Variants in MSI2 observed in about 807,000 individuals in gnomAD.
The protein encoded by MSI2 is musashi RNA binding protein 2.
A neutral mutation model predicts 45.6 loss-of-function variants in MSI2; 17 were observed. That is an observed-to-expected ratio of 0.37 (90% CI 0.26 to 0.56). The LOEUF (loss-of-function observed/expected upper bound fraction) is 0.56. Ranked by LOEUF, MSI2 falls within the 20% of genes least tolerant of loss-of-function variation. The pLI, the probability that MSI2 is intolerant of heterozygous loss-of-function variation, is 0.77. For synonymous variants in MSI2, 156 were observed against 158.2 expected (o/e 0.99, Z 0.11); for missense variants, 293 against 444.2 (o/e 0.66, Z 3.06).
At chr17:57,346,741 GA>G (rs143231057) in intron 5 of MSI2, among the ~76,000 whole-genome samples, 2,029 of 151,914 alleles carry the variant, frequency 0.013, 44 homozygotes, top group African/African-American at 0.046. Context: ...TGTATAGCTG[GA>G]ACTACAGGCA....
chr17:57,514,721 G>A (rs1044580957), intron 6 of MSI2, among the ~76,000 whole-genome samples: 2 of 150,320 alleles, frequency 1.3e-5, no homozygotes, highest in African/African-American at 4.9e-5. Context: ...CCCCCTTAGG[G>A]TGTTGTGTGG....
the MSI2 span, among the ~76,000 whole-genome samples, chr17:57,695,268 C>T: frequency 6.6e-6 from 1 of 152,104 alleles, no homozygotes; most frequent in Non-Finnish European, 1.5e-5. Flanking sequence ...AGGAAGAGTC[C>T]CAGGCCTGCT....
At chr17:57,415,025 G>GC (rs1380927070) in intron 6 of MSI2, among the ~76,000 whole-genome samples, 1 of 152,170 alleles carries the variant, frequency 6.6e-6, no homozygotes, top group Non-Finnish European at 1.5e-5. Context: ...TCTAAGAAAA[G>GC]CAGTAGACTT....
At chr17:57,660,368 G>T (rs1911904370) in intron 11 of MSI2, among the ~76,000 whole-genome samples, 1 of 152,176 alleles carries the variant, frequency 6.6e-6, no homozygotes, top group Non-Finnish European at 1.5e-5. Flanking sequence ...AAACCGAATG[G>T]CTCTTTACAC....
chr17:57,514,722 T>C (rs575242169), intron 6 of MSI2, among the ~76,000 whole-genome samples: 22 of 149,680 alleles, frequency 1.5e-4, no homozygotes, highest in Non-Finnish European at 3.0e-4. Context: ...CCCCTTAGGG[T>C]GTTGTGTGGC....
At chr17:57,436,235 T>A (rs4641809) in intron 6 of MSI2, among the ~76,000 whole-genome samples, 14,962 of 152,164 alleles carry the variant, frequency 0.098, 1,005 homozygotes, top group South Asian at 0.19. Context: ...AATATGTTGA[T>A]CTGTAAGATG....
rs1270523206 is a variant in MSI2, at chr17:57,256,660, C to T, written c.-83C>T. 9.6e-5 allele frequency: 55 copies of T among 574,520 alleles called. No homozygotes were observed. In the South Asian group the frequency reaches 1.7e-3, roughly 18 times the overall value. 35.6% of individuals were successfully genotyped at this position (574,520 alleles called of 1,614,324 possible). On this transcript the variant is annotated 5_prime_UTR_variant, in exon 1 of 14. Transcript: ENST00000284073. ...GAGGGGGAGGAGGGAGCGGAGATCT[C>T]GGGGCTCGGAGCCGGCCGCCGCTCC...
chr17:57,274,654 A>G (rs1908691021), intron 5 of MSI2, among the ~76,000 whole-genome samples: 1 of 152,262 alleles, frequency 6.6e-6, no homozygotes, highest in South Asian at 2.1e-4. Context: ...GAGAAATACA[A>G]AAGAAGACAC....
At chr17:57,314,174 T>C (rs930023590) in intron 5 of MSI2, among the ~76,000 whole-genome samples, 22 of 152,244 alleles carry the variant, frequency 1.4e-4, no homozygotes, top group East Asian at 1.2e-3. Flanking sequence ...ATGTATAAAT[T>C]GTGCCCAGAT....
chr17:57,364,466 G>A (rs1383982404), intron 5 of MSI2, among the ~76,000 whole-genome samples: 1 of 152,184 alleles, frequency 6.6e-6, no homozygotes, highest in Non-Finnish European at 1.5e-5. Context: ...CATCAAGGAT[G>A]GCAGAAACTT....
chr17:57,373,194 G>A (rs1194770579), intron 5 of MSI2, among the ~76,000 whole-genome samples: 19 of 150,228 alleles, frequency 1.3e-4, no homozygotes, highest in African/African-American at 4.4e-4. Context: ...AGGTTGCAGT[G>A]AGCTGAGATT....
At chr17:57,467,076 A>G (rs1188352516) in intron 6 of MSI2, among the ~76,000 whole-genome samples, 1 of 152,188 alleles carries the variant, frequency 6.6e-6, no homozygotes, top group Non-Finnish European at 1.5e-5. Flanking sequence ...ATCCCTCCCT[A>G]CTCACCTTGA....
rs1907211433 is a variant in MSI2 at position 57,611,629 on chromosome 17, T to A, written c.538-4341T>A. On this transcript the variant is annotated intron_variant, in intron 8 of 13. Coordinates refer to ENST00000284073, the MANE Select transcript of MSI2 (RefSeq NM_138962.4). ...AGAAGCCTTGCAGCTTCTGCCTGAG[T>A]CTGTTGGAATGCTTGTGCTTGGGAC... Among the ~76,000 whole-genome samples the A allele has an allele frequency of 2.1e-5, 2 of 96,152 alleles. 1 individual carries two copies. The highest frequency in any genetic ancestry group is 7.5e-4 in the South Asian group (2 of 2,678). The allele number at this position is 96,152 out of a possible 152,430, so 63.1% of individuals were successfully genotyped here.
At chr17:57,468,796 G>A (rs2085379696) in intron 6 of MSI2, among the ~76,000 whole-genome samples, 3 of 152,230 alleles carry the variant, frequency 2.0e-5, no homozygotes, top group Non-Finnish European at 4.4e-5. Context: ...TGTGAGCTCT[G>A]TTGTAAAGAG....
Position 57,627,716 on chromosome 17 carries a change from G to A in MSI2, c.727+413G>A, listed in dbSNP as rs546958808. ...CCTGCCCAATGTTTGATGTCTCCCCGCCCTTGCTTCCTTTCCTCCACCCCT... is the reference window on the plus strand; with the variant it reads ...CCTGCCCAATGTTTGATGTCTCCCCACCCTTGCTTCCTTTCCTCCACCCCT... On this transcript the variant is annotated intron_variant, in intron 10 of 13. Coordinates refer to ENST00000284073, the MANE Select transcript of MSI2 (RefSeq NM_138962.4). This position sits in a 1 kb window ranked among gnomAD's most constrained non-coding sequence, Gnocchi z 4.6. The A allele has an allele frequency of 3.5e-5, 8 of 227,956 alleles. No homozygotes were observed. The highest frequency in any genetic ancestry group is 6.6e-5 in the South Asian group (1 of 15,068). 14.1% of individuals were successfully genotyped at this position (227,956 alleles called of 1,614,324 possible). A position where few individuals can be genotyped will look rare whatever the true frequency, so the allele number is the denominator to read the frequency against.
intron 6 of MSI2, among the ~76,000 whole-genome samples, chr17:57,485,571 G>A (rs983723515): frequency 3.9e-5 from 6 of 152,184 alleles, no homozygotes; most frequent in African/African-American, 9.7e-5. Context: ...GAAAGGGCCC[G>A]TGATTCAACA....
intron 5 of MSI2, among the ~76,000 whole-genome samples, chr17:57,276,661 C>T (rs569262805): frequency 3.9e-5 from 6 of 152,186 alleles, no homozygotes; most frequent in African/African-American, 9.7e-5. Flanking sequence ...CTGTGTTTCC[C>T]GGCGTGCTGC....
intron 7 of MSI2, among the ~76,000 whole-genome samples, chr17:57,574,575 TTTCCAGCCTGGATG>T (rs1464138895): frequency 6.6e-6 from 1 of 152,118 alleles, no homozygotes; most frequent in African/African-American, 2.4e-5. Flanking sequence ...TCCTAGAAGG[TTTCCAGCCTGGATG>T]TGTCAGGCTG....
intron 7 of MSI2, among the ~76,000 whole-genome samples, chr17:57,546,852 TC>T (rs2087180318): frequency 6.6e-6 from 1 of 152,184 alleles, no homozygotes; most frequent in African/African-American, 2.4e-5. Context: ...CCTTCCATGT[TC>T]CAGGTGCAAT....
Sources: allele counts gnomAD v4.1 joint callset (sites outside exome capture counted in the v4.1 genomes callset), GRCh38; gene constraint gnomAD v4.1.1; non-coding constraint Gnocchi (gnomAD v3.1); transcripts MANE v1.5; gene names NCBI Gene and HGNC (gene_info 2026-07-23, HGNC 2026-07-21).